ASAH1: variants seen among roughly 807,000 people sequenced by gnomAD.
The protein encoded by ASAH1 is N-acylsphingosine amidohydrolase 1.
A neutral mutation model predicts 59.5 loss-of-function variants in ASAH1; 70 were observed. The ratio of observed to expected loss-of-function variants is 1.18; its 90% confidence interval spans 0.97 to 1.43. The LOEUF (loss-of-function observed/expected upper bound fraction) is 1.43. Among genes scored for constraint, ASAH1 ranks in the 40% most tolerant of loss-of-function variants. ASAH1 has a pLI of 0.00. For synonymous variants in ASAH1, 213 were observed against 166.5 expected (o/e 1.28, Z -2.15); for missense variants, 660 against 482.5 (o/e 1.37, Z -3.45).
intron 2 of ASAH1, among the ~76,000 whole-genome samples, chr8:18,073,478 G>C (rs187488351): frequency 3.2e-4 from 48 of 152,320 alleles, no homozygotes; most frequent in African/African-American, 1.0e-3. Context: ...AGGTGGCATG[G>C]AAACTAGTCC....
Position 18,061,413 on chromosome 8 carries a change from C to A in ASAH1, c.749G>T (p.Gly250Val), listed in dbSNP as rs1239363191. 4 of 1,612,930 alleles carry A rather than the reference C, an allele frequency of 2.5e-6. No homozygotes were observed. The African/African-American group carries it at 4.0e-5, about 16-fold the overall frequency. ...ILGKKDVMWIGFLTRTVLENS... is the reference protein window; with the variant it reads ...ILGKKDVMWIVFLTRTVLENS... ...TTCCAGAACTGTTCTAGTGAGGAAC[C>A]CTATCCACATGACATCTTTCTTTCC... Residue 250 changes from glycine (G) to valine (V), a missense_variant, in exon 10 of 14, where the codon GGG becomes GTG. Gly to Val is a moderately radical substitution (Grantham distance 109). Coordinates refer to ENST00000637790, the MANE Select transcript of ASAH1 (RefSeq NM_177924.5).
chr8:18,071,822 T>C (rs1380059550), intron 2 of ASAH1, among the ~76,000 whole-genome samples: 1 of 152,210 alleles, frequency 6.6e-6, no homozygotes, highest in East Asian at 1.9e-4. Flanking sequence ...CAAACCAATG[T>C]CTCCAGTGTT....
intron 9 of ASAH1, 30 bp from the exon 10 acceptor site, chr8:18,061,488 C>A: frequency 6.3e-7 from 1 of 1,577,668 alleles, no homozygotes. Flanking sequence ...TGTCAGGAAC[C>A]GGAAGAGGTG....
At chr8:18,077,640 G>A (rs1800466901) in intron 1 of ASAH1, among the ~76,000 whole-genome samples, 1 of 152,148 alleles carries the variant, frequency 6.6e-6, no homozygotes, top group Non-Finnish European at 1.5e-5. Flanking sequence ...CCAAAGTCCA[G>A]GACAAGGGTT....
rs751890223 is a variant in ASAH1 at position 18,084,105 on chromosome 8, A to G, written c.-47T>C. 3 of 1,594,638 alleles carry G rather than the reference A, an allele frequency of 1.9e-6. No homozygotes were observed. The highest frequency in any genetic ancestry group is 2.5e-6 in the Non-Finnish European group (3 of 1,178,174). ...TCCCCGGACTCCAGCAGAGGCAAAG[A>G]AGAGCCGGCTGGGCCGGGGGCAGGC... On this transcript the variant is annotated 5_prime_UTR_variant, in exon 1 of 14. Coordinates refer to ENST00000637790, the MANE Select transcript of ASAH1 (RefSeq NM_177924.5).
Position 18,067,278 on chromosome 8 carries a change from A to G in ASAH1, c.324T>C (p.Phe108=). The change falls in exon 5 of 14, where the codon TTT becomes TTC. Residue 108 remains phenylalanine, a synonymous_variant. Coordinates refer to ENST00000637790, the MANE Select transcript of ASAH1 (RefSeq NM_177924.5). ...DEKLPGLLGN[F]PGPFEEEMKG... ...TCATTTCCTCTTCAAAAGGGCCAGGAAAGTTGCCAAGTAGGCCAGGCTGGA... is the reference window on the plus strand; with the variant it reads ...TCATTTCCTCTTCAAAAGGGCCAGGGAAGTTGCCAAGTAGGCCAGGCTGGA... 6.2e-7 allele frequency: 1 copy of G among 1,602,030 alleles called. No individual in the cohort carries two copies. Among genetic ancestry groups the G allele is most frequent in the Non-Finnish European group, 8.5e-7 (1 of 1,173,772 alleles).
chr8:18,067,158 C>T (rs982025589), intron 5 of ASAH1, 62 bp downstream of exon 5: 25 of 925,142 alleles, frequency 2.7e-5, no homozygotes, highest in Non-Finnish European at 3.5e-5. Flanking sequence ...TATCACACCT[C>T]AATGGAAACT....
chr8:18,060,542 T>G (rs552545710), intron 10 of ASAH1: 1 of 152,244 alleles, frequency 6.6e-6, no homozygotes, highest in East Asian at 1.9e-4. Context: ...TTCTTGAAAA[T>G]TAGGACTATT....
Position 18,084,046 on chromosome 8 carries a change from T to C in ASAH1, c.13A>G (p.Ser5Gly). ...GCCAGGAGGACTAAGGCGACGCAAC[T>C]CCGGCCCGGCATCGCTCTAGCAGCC... Reference protein sequence around the residue: MPGRSCVALVLLAAA... With the variant: MPGRGCVALVLLAAA... The change falls in exon 1 of 14, where the codon AGT (serine) becomes GGT (glycine). Residue 5 changes from serine (S) to glycine (G), a missense_variant. Ser to Gly is a moderately conservative substitution (Grantham distance 56). Coordinates refer to ENST00000637790, the MANE Select transcript of ASAH1 (RefSeq NM_177924.5). 1 of 1,598,620 alleles carries C rather than the reference T, an allele frequency of 6.3e-7. No homozygotes were observed.
rs1197497566 is a variant in ASAH1 at position 18,056,034 on chromosome 8, T to G, written c.*1500A>C. 6.6e-6 allele frequency: 1 copy of G among 152,220 alleles called. No individual in the cohort carries two copies. Among genetic ancestry groups the G allele is most frequent in the Non-Finnish European group, 1.5e-5 (1 of 68,038 alleles). The allele number at this position is 152,220 out of a possible 1,614,324, so 9.4% of individuals were successfully genotyped here. A position where few individuals can be genotyped will look rare whatever the true frequency, so the allele number is the denominator to read the frequency against. ...TACTATCAGGCATATCAAAGGTTATTACATTAACAAAAAAATACATCAAGT... is the reference window on the plus strand; with the variant it reads ...TACTATCAGGCATATCAAAGGTTATGACATTAACAAAAAAATACATCAAGT... On this transcript the variant is annotated 3_prime_UTR_variant, in exon 14 of 14. Coordinates refer to ENST00000637790, the MANE Select transcript of ASAH1 (RefSeq NM_177924.5).
chr8:18,068,403 C>A (rs963939642), intron 4 of ASAH1: 2 of 152,304 alleles, frequency 1.3e-5, no homozygotes, highest in Non-Finnish European at 2.9e-5. Context: ...CTCCTGCCAG[C>A]ATTTTTTTGT....
chr8:18,058,647 A>C (rs1263706880), intron 13 of ASAH1, 188 bp downstream of exon 13: 24 of 612,666 alleles, frequency 3.9e-5, no homozygotes, highest in Non-Finnish European at 6.4e-5. Context: ...ATCAAGCCTC[A>C]GTGATCAATT....
chr8:18,071,439 A>G, intron 2 of ASAH1, 49 bp from the exon 3 acceptor site: 2 of 1,173,546 alleles, frequency 1.7e-6, no homozygotes, highest in East Asian at 2.5e-5. Context: ...GTTTTTTGTG[A>G]GGGTCAGTTA....
intron 10 of ASAH1, 33 bp from the exon 11 acceptor site, chr8:18,059,736 CT>C (rs200452153): frequency 3.1e-5 from 48 of 1,555,658 alleles, no homozygotes; most frequent in South Asian, 2.8e-4. Context: ...AAAAATGAAA[CT>C]TTTTTTTAAT....
chr8:18,068,607 G>T (rs1279625328), intron 4 of ASAH1: 4 of 152,278 alleles, frequency 2.6e-5, no homozygotes, highest in Admixed American at 2.6e-4. Context: ...GACATTTTTG[G>T]TTGTCACAAC....
rs781668260 is a variant in ASAH1, at chr8:18,059,663, A to G, written c.826T>C (p.Leu276=). The G allele has an allele frequency of 3.1e-6, 5 of 1,614,104 alleles. No individual in the cohort carries two copies. Among genetic ancestry groups the G allele is most frequent in the Non-Finnish European group, 3.4e-6 (4 of 1,180,038 alleles). ...CCCAGGATAAAGTAGGCTGGGGCCA[A>G]TATCTTGGTCTTGGTCAATAAATTC... ...AKNLLTKTKI[L]APAYFILGGN... is the part of the protein sequence containing the mutation. Residue 276 remains leucine (L), a synonymous_variant, in exon 11 of 14, where the codon TTG becomes CTG. Coordinates refer to ENST00000637790, the MANE Select transcript of ASAH1 (RefSeq NM_177924.5).
chr8:18,064,359 A>G, intron 6 of ASAH1, 98 bp downstream of exon 6: 2 of 947,666 alleles, frequency 2.1e-6, no homozygotes. Flanking sequence ...CACAGAATTT[A>G]CATAGCAAGC....
In ASAH1 at chr8:18,059,375, G is replaced by T. The variant is rs541204900; in HGVS notation, c.1007C>A (p.Pro336His). The T allele has an allele frequency of 5.0e-6, 8 of 1,614,212 alleles. No individual in the cohort carries two copies. The highest frequency in any genetic ancestry group is 3.3e-5 in the Admixed American group (2 of 60,026). Residue 336 changes from proline (P) to histidine (H), a missense_variant, in exon 12 of 14, where the codon CCT becomes CAT. Transcript: ENST00000637790. ...GGTGCGGTTCAGACACATCTTTGCAGGCGTTCTGCGATCATCAAGGAAGAA... is the reference window on the plus strand; with the variant it reads ...GGTGCGGTTCAGACACATCTTTGCATGCGTTCTGCGATCATCAAGGAAGAA... ...HPFFLDDRRT[P>H]AKMCLNRTSQ...
At chr8:18,075,155 C>T (rs1800347665) in intron 2 of ASAH1, among the ~76,000 whole-genome samples, 2 of 151,798 alleles carry the variant, frequency 1.3e-5, no homozygotes, top group South Asian at 2.1e-4. Context: ...GCCACCACGC[C>T]TGGCTAATTT....
Sources: gnomAD v4.1 joint callset for allele counts (sites outside exome capture counted in the v4.1 genomes callset) on GRCh38, gnomAD v4.1.1 for gene constraint, MANE v1.5 for transcripts, NCBI Gene and HGNC (gene_info 2026-07-23, HGNC 2026-07-21) for gene names.